Variants in HHIP observed in about 807,000 individuals in gnomAD.
The protein encoded by HHIP is hedgehog interacting protein, also known as hedgehog-interacting protein.
Under a neutral mutation model 74.0 loss-of-function variants are expected in HHIP, and 12 were observed. The observed-to-expected ratio is 0.16, with a 90% CI of 0.10 to 0.26. The LOEUF (loss-of-function observed/expected upper bound fraction) is 0.26, where lower values mean the gene tolerates loss of function less well. Among genes scored for constraint, HHIP ranks in the 10% least tolerant of loss-of-function variants. The pLI, the probability that HHIP is intolerant of heterozygous loss-of-function variation, is 1.00. For synonymous variants in HHIP, 309 were observed against 311.6 expected (o/e 0.99, Z 0.09); for missense variants, 788 against 845.0 (o/e 0.93, Z 0.84).
At chr4:144,655,303 T>A (rs1728528933) in intron 2 of HHIP, among the ~76,000 whole-genome samples, 1 of 152,114 alleles carries the variant, frequency 6.6e-6, no homozygotes, top group African/African-American at 2.4e-5. Context: ...TGCCAAAAAC[T>A]CTCCACTTGT....
At chr4:144,667,676 AC>A (rs1305194719) in intron 4 of HHIP, among the ~76,000 whole-genome samples, 4 of 152,216 alleles carry the variant, frequency 2.6e-5, no homozygotes, top group African/African-American at 9.6e-5. Flanking sequence ...AAAGCAGCTG[AC>A]CCATAAGAAC....
At chr4:144,705,919 G>GA (rs1328696551) in intron 4 of HHIP, among the ~76,000 whole-genome samples, 1 of 152,136 alleles carries the variant, frequency 6.6e-6, no homozygotes, top group Non-Finnish European at 1.5e-5. Flanking sequence ...CCTATGCAGC[G>GA]AAGGGATTCA....
In HHIP at chr4:144,738,501, T is replaced by C; in HGVS notation, c.*544T>C. ...TCTTCATTTTTGTCAGTGTATCCAG[T>C]TACAGAATGCTACACACTTACCTTT... On this transcript the variant is annotated 3_prime_UTR_variant, in exon 13 of 13. Coordinates refer to ENST00000296575, the MANE Select transcript of HHIP (RefSeq NM_022475.3). 1.0e-6 allele frequency: 1 copy of C among 979,506 alleles called. No homozygotes were observed. Among genetic ancestry groups the C allele is most frequent in the Non-Finnish European group, 1.2e-6 (1 of 824,234 alleles). The allele number at this position is 979,506 out of a possible 1,614,324, so 60.7% of individuals were successfully genotyped here. A position where few individuals can be genotyped will look rare whatever the true frequency, so the allele number is the denominator to read the frequency against.
intron 1 of HHIP, 62 bp downstream of exon 1, chr4:144,647,016 G>A (rs1728283839): frequency 1.4e-6 from 2 of 1,458,848 alleles, no homozygotes; most frequent in Non-Finnish European, 9.2e-7. Context: ...GGTTCCCTGT[G>A]GCTCTGGCAA....
At chr4:144,667,119 C>G (rs1484672863) in intron 4 of HHIP, among the ~76,000 whole-genome samples, 2 of 152,134 alleles carry the variant, frequency 1.3e-5, no homozygotes, top group Non-Finnish European at 2.9e-5. Flanking sequence ...GAGGCTGAAG[C>G]AGGAAAATCA....
At chr4:144,735,377 T>A (rs750613276) in intron 12 of HHIP, among the ~76,000 whole-genome samples, 2 of 152,186 alleles carry the variant, frequency 1.3e-5, no homozygotes, top group Non-Finnish European at 2.9e-5. Context: ...AATGCAATTA[T>A]CTAGAGACAT....
At chr4:144,663,147 G>A (rs1203183470) in intron 4 of HHIP, among the ~76,000 whole-genome samples, 1 of 152,000 alleles carries the variant, frequency 6.6e-6, no homozygotes, top group African/African-American at 2.4e-5. Context: ...AAATTAGCCG[G>A]GCATGGTGGC....
chr4:144,712,522 T>TAAA (rs1560716149), intron 8 of HHIP, among the ~76,000 whole-genome samples: 1 of 152,148 alleles, frequency 6.6e-6, no homozygotes, highest in East Asian at 1.9e-4. Flanking sequence ...TGTAATTTTT[T>TAAA]AAAAAATGTT....
intron 4 of HHIP, among the ~76,000 whole-genome samples, chr4:144,692,425 C>CTGTATGATACTTTA (rs1345503552): frequency 6.6e-6 from 1 of 152,156 alleles, no homozygotes; most frequent in Non-Finnish European, 1.5e-5. Context: ...AAGAATCATA[C>CTGTATGATACTTTA]TCATTACAGA....
At chr4:144,702,476 C>G (rs1730012053) in intron 4 of HHIP, among the ~76,000 whole-genome samples, 1 of 152,158 alleles carries the variant, frequency 6.6e-6, no homozygotes, top group Middle Eastern at 3.2e-3. Context: ...ATTATTTCCT[C>G]TGAAACAACT....
chr4:144,699,656 G>A (rs543222762), intron 4 of HHIP, among the ~76,000 whole-genome samples: 1 of 152,074 alleles, frequency 6.6e-6, no homozygotes, highest in South Asian at 2.1e-4. Context: ...TGATTAAAGC[G>A]GCTCCTTACA....
At position 144,742,955 on chromosome 4, in the gene HHIP, T is replaced by C. The variant is rs1462221662; in HGVS notation, c.*4998T>C. The C allele has an allele frequency of 1.9e-4, 1 of 5,248 alleles. No homozygotes were observed. The highest frequency in any genetic ancestry group is 2.1e-3 in the Non-Finnish European group (1 of 484). 0.3% of individuals were successfully genotyped at this position (5,248 alleles called of 1,614,324 possible). On this transcript the variant is annotated 3_prime_UTR_variant, in exon 13 of 13. Coordinates refer to ENST00000296575, the MANE Select transcript of HHIP (RefSeq NM_022475.3). ...ATATATATCTTATATATATATCTTATACATATAAGATATATGTATATATAT... is the reference window on the plus strand; with the variant it reads ...ATATATATCTTATATATATATCTTACACATATAAGATATATGTATATATAT...
chr4:144,708,425 A>T, intron 7 of HHIP, 114 bp downstream of exon 7: 1 of 992,970 alleles, frequency 1.0e-6, no homozygotes, highest in Non-Finnish European at 1.5e-6. Context: ...GTAGTATCTA[A>T]GGCCATGCCT....
At chr4:144,658,225 T>C (rs1728601717) in intron 2 of HHIP, among the ~76,000 whole-genome samples, 1 of 152,300 alleles carries the variant, frequency 6.6e-6, no homozygotes, top group East Asian at 1.9e-4. Flanking sequence ...GTTTGTCTTA[T>C]TTGTACTTCA....
intron 4 of HHIP, among the ~76,000 whole-genome samples, chr4:144,692,214 G>A (rs1006698849): frequency 1.3e-5 from 2 of 152,026 alleles, no homozygotes; most frequent in Non-Finnish European, 2.9e-5. Context: ...CTGAAGCTCA[G>A]GGGTGTTAAA....
chr4:144,673,772 T>C (rs1578690010), intron 4 of HHIP, among the ~76,000 whole-genome samples: 1 of 152,322 alleles, frequency 6.6e-6, no homozygotes, highest in African/African-American at 2.4e-5. Flanking sequence ...AAAGTACCTA[T>C]AATTCACTCT....
intron 10 of HHIP, 92 bp downstream of exon 10, chr4:144,715,522 T>C (rs1730424849): frequency 1.6e-6 from 2 of 1,221,236 alleles, no homozygotes; most frequent in South Asian, 1.5e-5. Flanking sequence ...AGCAATCTTA[T>C]CCTCTACTTG....
At chr4:144,687,169 T>C (rs998239624) in intron 4 of HHIP, among the ~76,000 whole-genome samples, 1 of 152,222 alleles carries the variant, frequency 6.6e-6, no homozygotes, top group Admixed American at 6.5e-5. Flanking sequence ...TCTGTCTAGG[T>C]GTCAGCCATC....
chr4:144,693,201 G>T (rs528881114), intron 4 of HHIP, among the ~76,000 whole-genome samples: 1 of 151,986 alleles, frequency 6.6e-6, no homozygotes, highest in East Asian at 1.9e-4. Context: ...TAGTGATTCT[G>T]GGAATTGGAA....
Sources: allele counts gnomAD v4.1 joint callset (sites outside exome capture counted in the v4.1 genomes callset), GRCh38; gene constraint gnomAD v4.1.1; transcripts MANE v1.5; gene names NCBI Gene and HGNC (gene_info 2026-07-23, HGNC 2026-07-21).